The following STAB2 variants were observed in gnomAD, a reference collection of about 807,000 sequenced individuals.
STAB2 encodes the protein stabilin-2.
Under a neutral mutation model 338.1 loss-of-function variants are expected in STAB2, and 288 were observed. The observed-to-expected ratio is 0.85, with a 90% CI of 0.77 to 0.94. The LOEUF is 0.94. Ranked by LOEUF, STAB2 falls within the 40% of genes least tolerant of loss-of-function variation. The pLI is 0.00. For missense variants in STAB2, 3,141 were observed against 3,210.1 expected (o/e 0.98, Z 0.52); for synonymous variants, 1,202 against 1,193.3 (o/e 1.01, Z -0.15).
Position 103,638,110 on chromosome 12 carries a change from C to T in STAB2, c.804C>T (p.Tyr268=), listed in dbSNP as rs187778186. ...NRHSCTCQEG[Y]RGDGQVCLPV... is the part of the protein sequence containing the mutation. ...ACAGTTGTACATGCCAAGAAGGCTA[C>T]CGTGGGGATGGCCAAGTGTGCTTGC... The change falls in exon 8 of 69, where the codon TAC becomes TAT. Residue 268 remains tyrosine (Y), a synonymous_variant. Coordinates refer to ENST00000388887, the MANE Select transcript of STAB2 (RefSeq NM_017564.10). The T allele has an allele frequency of 1.8e-4, 285 of 1,614,202 alleles. No individual in the cohort carries two copies. In the East Asian group the frequency reaches 4.3e-3, roughly 25 times the overall value.
At chr12:103,679,500 G>T (rs1025476146) in intron 25 of STAB2, among the ~76,000 whole-genome samples, 1 of 152,150 alleles carries the variant, frequency 6.6e-6, no homozygotes, top group Non-Finnish European at 1.5e-5. Flanking sequence ...GGAGATAGAA[G>T]CACACTACAC....
intron 6 of STAB2, among the ~76,000 whole-genome samples, chr12:103,632,524 G>A (rs959475725): frequency 6.6e-6 from 1 of 152,130 alleles, no homozygotes; most frequent in African/African-American, 2.4e-5. Flanking sequence ...TGGTGGGTGA[G>A]GCACAGGAAA....
intron 23 of STAB2, among the ~76,000 whole-genome samples, chr12:103,674,640 T>C (rs1428285452): frequency 6.6e-6 from 1 of 152,230 alleles, no homozygotes. Context: ...TCCTTAATAC[T>C]GTCTAGCATT....
At chr12:103,742,948 T>C (rs1414403481) in intron 56 of STAB2, among the ~76,000 whole-genome samples, 1 of 152,200 alleles carries the variant, frequency 6.6e-6, no homozygotes, top group Non-Finnish European at 1.5e-5. Flanking sequence ...ACTGTTATTA[T>C]CTGCAAGTAG....
At chr12:103,726,853 A>C (rs902423826) in intron 46 of STAB2, among the ~76,000 whole-genome samples, 2 of 152,232 alleles carry the variant, frequency 1.3e-5, no homozygotes, top group Non-Finnish European at 2.9e-5. Flanking sequence ...TGATCTTAGA[A>C]TTGCAAGAAG....
chr12:103,712,398 T>A lies in STAB2; in HGVS notation c.4366T>A (p.Cys1456Ser). ...CACCAACTCAGATGGTACAGCTTCA[T>A]GCAAGTGTGCAGCAGGATTCCAAGG... ...CLTNSDGTAS[C>S]KCAAGFQGNG... Residue 1456 changes from cysteine to serine, a missense_variant, in exon 41 of 69, where the codon TGC becomes AGC. Coordinates refer to ENST00000388887, the MANE Select transcript of STAB2 (RefSeq NM_017564.10). The A allele has an allele frequency of 5.6e-6, 9 of 1,614,100 alleles. No homozygotes were observed. The highest frequency in any genetic ancestry group is 7.6e-6 in the Non-Finnish European group (9 of 1,179,984).
chr12:103,646,943 G>C (rs2138715884), intron 9 of STAB2, among the ~76,000 whole-genome samples: 1 of 152,318 alleles, frequency 6.6e-6, no homozygotes, highest in Non-Finnish European at 1.5e-5. Flanking sequence ...AGAGTGATAA[G>C]GTGAGGATGG....
chr12:103,646,575 C>A (rs1873352848), intron 9 of STAB2, among the ~76,000 whole-genome samples: 1 of 152,194 alleles, frequency 6.6e-6, no homozygotes, highest in African/African-American at 2.4e-5. Flanking sequence ...TCAAGGAGGT[C>A]AAGTGGCCTT....
chr12:103,614,896 T>C (rs566304114), intron 3 of STAB2, among the ~76,000 whole-genome samples: 1 of 152,364 alleles, frequency 6.6e-6, no homozygotes, highest in African/African-American at 2.4e-5. Context: ...TGTTCTTTCC[T>C]GAGTCTTACA....
At chr12:103,726,271 C>T in intron 46 of STAB2, 108 bp downstream of exon 46, 4 of 1,162,138 alleles carry the variant, frequency 3.4e-6, no homozygotes, top group African/African-American at 1.5e-5. Context: ...GGCAGATTGC[C>T]TGAGCTCAGG....
Position 103,703,195 on chromosome 12 carries a change from T to G in STAB2, c.3762T>G (p.Asp1254Glu). Reference protein sequence around the residue: ...APINYTNVATDKGVIHGLGKV... With the variant: ...APINYTNVATEKGVIHGLGKV... ...TAAACTACACCAATGTAGCCACTGA[T>G]AAGGGAGTGATCCATGGCTTGGGAA... The change falls in exon 35 of 69, where the codon GAT becomes GAG. Residue 1254 changes from aspartate to glutamate, a missense_variant. Physicochemically the swap from Asp to Glu is conservative, Grantham distance 45. Coordinates refer to ENST00000388887, the MANE Select transcript of STAB2 (RefSeq NM_017564.10). 6.2e-7 allele frequency: 1 copy of G among 1,614,056 alleles called. No individual in the cohort carries two copies. The highest frequency in any genetic ancestry group is 1.7e-5 in the Admixed American group (1 of 60,026).
chr12:103,643,905 G>A (rs1429921867), intron 9 of STAB2, among the ~76,000 whole-genome samples: 2 of 129,256 alleles, frequency 1.5e-5, no homozygotes, highest in African/African-American at 2.9e-5. Context: ...CGCCCCTACT[G>A]GGAAGTGAGG....
Position 103,732,725 on chromosome 12 carries a change from A to G in STAB2, c.5284-281A>G, listed in dbSNP as rs146369108. On this transcript the variant is annotated intron_variant, in intron 50 of 68. Coordinates refer to ENST00000388887, the MANE Select transcript of STAB2 (RefSeq NM_017564.10). ...GAGGTTGAGGTGGGAGGATCACTTG[A>G]ACCCACGAGGTTGAAGCTGCATTGA... Among the ~76,000 whole-genome samples, 454 of 152,184 alleles carry G rather than the reference A, an allele frequency of 3.0e-3. 7 individuals carry two copies. The highest frequency in any genetic ancestry group is 0.01 in the African/African-American group (426 of 41,524).
rs1566051012 is a variant in STAB2 at position 103,726,163 on chromosome 12, G to T, written c.4851G>T (p.Gln1617His). ...PKTSQYFFQL[Q>H]EHFVKDLVGP... is the part of the protein sequence containing the mutation. Reference sequence around the variant, plus strand: ...CTTCCCAGTATTTCTTCCAGTTGCAGGTAGGAAATATACATGTCTGTCTAG... The same window carrying T: ...CTTCCCAGTATTTCTTCCAGTTGCATGTAGGAAATATACATGTCTGTCTAG... The change falls in exon 46 of 69, where the codon CAG becomes CAT. Residue 1617 changes from glutamine to histidine, a missense_variant and splice_region_variant. Coordinates refer to ENST00000388887, the MANE Select transcript of STAB2 (RefSeq NM_017564.10). The T allele has an allele frequency of 6.2e-7, 1 of 1,613,922 alleles. No homozygotes were observed. Among genetic ancestry groups the T allele is most frequent in the Non-Finnish European group, 8.5e-7 (1 of 1,179,846 alleles).
intron 51 of STAB2, among the ~76,000 whole-genome samples, chr12:103,734,776 C>T (rs1044187634): frequency 3.9e-5 from 6 of 152,084 alleles, no homozygotes; most frequent in South Asian, 4.1e-4. Context: ...GGTGAGATGT[C>T]GGAGATGAAG....
At chr12:103,734,924 C>T (rs1363200190) in intron 51 of STAB2, among the ~76,000 whole-genome samples, 1 of 152,204 alleles carries the variant, frequency 6.6e-6, no homozygotes, top group African/African-American at 2.4e-5. Flanking sequence ...TCTGCCATCA[C>T]AGGACTGTCT....
Position 103,742,560 on chromosome 12 carries a change from T to A in STAB2, c.6031+6T>A. 1 of 1,614,162 alleles carries A rather than the reference T, an allele frequency of 6.2e-7. No homozygotes were observed. Among genetic ancestry groups the A allele is most frequent in the Non-Finnish European group, 8.5e-7 (1 of 1,180,012 alleles). Reference sequence around the variant, plus strand: ...ATTCGGGCCTGATTGTCTGCGTATGTGGCGCCGCTTCTCCGTGCTAGAGCT... The same window carrying A: ...ATTCGGGCCTGATTGTCTGCGTATGAGGCGCCGCTTCTCCGTGCTAGAGCT... On this transcript the variant is annotated splice_donor_region_variant and intron_variant, in intron 56 of 68. Transcript: ENST00000388887.
intron 41 of STAB2, among the ~76,000 whole-genome samples, chr12:103,713,337 A>C (rs1273157550): frequency 6.6e-6 from 1 of 152,220 alleles, no homozygotes; most frequent in Admixed American, 6.5e-5. Flanking sequence ...GCACTGGACA[A>C]TGATCATGCC....
chr12:103,666,154 G>GT, intron 18 of STAB2, 137 bp from the exon 19 acceptor site: 1 of 754,584 alleles, frequency 1.3e-6, no homozygotes, highest in South Asian at 1.7e-5. Context: ...TGTGGGGAGG[G>GT]GGTGGGTAGA....
Sources: gnomAD v4.1 joint callset for allele counts (sites outside exome capture counted in the v4.1 genomes callset) on GRCh38, gnomAD v4.1.1 for gene constraint, MANE v1.5 for transcripts, NCBI Gene and HGNC (gene_info 2026-07-23, HGNC 2026-07-21) for gene names.